The following SLC25A18 variants were observed in gnomAD, a reference collection of about 807,000 sequenced individuals.
SLC25A18 encodes the protein solute carrier family 25 member 18, also known as mitochondrial glutamate carrier 2.
In SLC25A18, 24 loss-of-function variants were observed where a neutral mutation model predicts 31.1. The ratio of observed to expected loss-of-function variants is 0.77; its 90% confidence interval spans 0.56 to 1.08. SLC25A18 has a LOEUF of 1.08. SLC25A18 is among the 50% of genes least tolerant of loss of function. The pLI, the probability that SLC25A18 is intolerant of heterozygous loss-of-function variation, is 0.00. For synonymous variants in SLC25A18, 173 were observed against 161.9 expected (o/e 1.07, Z -0.52); for missense variants, 371 against 418.5 (o/e 0.89, Z 0.99).
At position 17,582,740 on chromosome 22, in the gene SLC25A18, A is replaced by G. The variant is rs996083001; in HGVS notation, c.290+87A>G. 4.2e-6 allele frequency: 5 copies of G among 1,177,898 alleles called. No homozygotes were observed. The African/African-American group carries it at 7.6e-5, about 18-fold the overall frequency. 73.0% of individuals were successfully genotyped at this position (1,177,898 alleles called of 1,614,324 possible). Reference sequence around the variant, plus strand: ...AAGAAGATTTCAAATGTGCCTCAGTATACCTGCCTGCATGCATATAAATAT... The same window carrying G: ...AAGAAGATTTCAAATGTGCCTCAGTGTACCTGCCTGCATGCATATAAATAT... On this transcript the variant is annotated intron_variant, in intron 6 of 10. Transcript: ENST00000327451.
intron 9 of SLC25A18, chr22:17,588,310 G>A: frequency 2.0e-6 from 1 of 490,500 alleles, no homozygotes; most frequent in South Asian, 2.5e-5. Context: ...CATCCCCTCA[G>A]AAGAGTTGTG....
In SLC25A18 at chr22:17,579,923, T is replaced by A; in HGVS notation, c.-22T>A. 6.2e-7 allele frequency: 1 copy of A among 1,607,958 alleles called. No individual in the cohort carries two copies. The highest frequency in any genetic ancestry group is 8.5e-7 in the Non-Finnish European group (1 of 1,177,816). On this transcript the variant is annotated 5_prime_UTR_variant, in exon 3 of 11. Coordinates refer to ENST00000327451, the MANE Select transcript of SLC25A18 (RefSeq NM_031481.3). The stretch of plus-strand genomic sequence containing the variant: ...CCAAGGAGCCAGCAGCCTTGTGTCC[T>A]GGGATCCCCAGCCCCTGCAGAATGA...
In SLC25A18 at chr22:17,585,632, T is replaced by TTTATTATTA. The variant is rs1321633226; in HGVS notation, c.410-1492_410-1484dup. ...AACATTTTATTTTATTATTATTTAT[T>TTTATTATTA]TTATTATTATTATTATTATTTTTTT... On this transcript the variant is annotated intron_variant, in intron 7 of 10. Transcript: ENST00000327451. Among the ~76,000 whole-genome samples, 725 of 140,872 alleles carry TTTATTATTA rather than the reference T, an allele frequency of 5.1e-3. 11 individuals carry two copies. The highest frequency in any genetic ancestry group is 0.018 in the African/African-American group (675 of 36,524). 92.4% of individuals were successfully genotyped at this position (140,872 alleles called of 152,430 possible).
Position 17,581,411 on chromosome 22 carries a change from G to GAGGTGGGCTTCTC in SLC25A18, c.199+3_199+15dup. ...GCGGAGGGCTTCTTCGGCATGTACC[G>GAGGTGGGCTTCTC]AGGTGGGCTTCTCAGGTCCCCTGGG... On this transcript the variant is annotated frameshift_variant and splice_region_variant, in exon 5 of 11. Transcript: ENST00000327451. LOFTEE classifies it high-confidence loss of function. The GAGGTGGGCTTCTC allele has an allele frequency of 6.2e-7, 1 of 1,614,044 alleles. No individual in the cohort carries two copies. Among genetic ancestry groups the GAGGTGGGCTTCTC allele is most frequent in the South Asian group, 1.1e-5 (1 of 91,080 alleles).
At chr22:17,587,111 C>T (rs1384096419) in intron 7 of SLC25A18, 25 bp from the exon 8 acceptor site, 1 of 1,610,602 alleles carries the variant, frequency 6.2e-7, no homozygotes, top group African/African-American at 1.3e-5. Context: ...GGACCAGGTA[C>T]TGATGTCTGT....
In SLC25A18 at chr22:17,575,702, G is replaced by C. The variant is rs552103583; in HGVS notation, c.-200-4043G>C. 3.2e-4 allele frequency among the ~76,000 whole-genome samples: 48 copies of C among 152,342 alleles called. No individual in the cohort carries two copies. The South Asian group carries it at 4.6e-3, about 14-fold the overall frequency. ...CTAACCCGGAATAGCAAGGGGGAAAGGGCAAGTCCTAGAATGGGGTATGCT... is the reference window on the plus strand; with the variant it reads ...CTAACCCGGAATAGCAAGGGGGAAACGGCAAGTCCTAGAATGGGGTATGCT... On this transcript the variant is annotated intron_variant, in intron 2 of 10. Coordinates refer to ENST00000327451, the MANE Select transcript of SLC25A18 (RefSeq NM_031481.3).
chr22:17,564,869 A>AAAAAAAAAAAG (rs2056893513), intron 1 of SLC25A18, among the ~76,000 whole-genome samples: 1 of 150,912 alleles, frequency 6.6e-6, no homozygotes, highest in African/African-American at 2.4e-5. Flanking sequence ...AAAAAAAAAA[A>AAAAAAAAAAAG]TCAGGCCCAG....
In SLC25A18 at chr22:17,580,745, G is replaced by A. The variant is rs1045299217; in HGVS notation, c.21-292G>A. ...AGAGGACGGGCCGGGGAAGCTTGGG[G>A]CAGAGCGGTGCCCTGGTGGCGGCCC... On this transcript the variant is annotated intron_variant, in intron 3 of 10. Transcript: ENST00000327451. 1.0e-5 allele frequency: 12 copies of A among 1,171,716 alleles called. No homozygotes were observed. In the African/African-American group the frequency reaches 1.8e-4, roughly 17 times the overall value. The allele number at this position is 1,171,716 out of a possible 1,614,324, so 72.6% of individuals were successfully genotyped here. A position where few individuals can be genotyped will look rare whatever the true frequency, so the allele number is the denominator to read the frequency against.
chr22:17,581,000 C>T (rs370701218), intron 3 of SLC25A18, 37 bp from the exon 4 acceptor site: 53 of 1,519,444 alleles, frequency 3.5e-5, no homozygotes, highest in Non-Finnish European at 4.4e-5. Flanking sequence ...GCCCCTCCCT[C>T]TGCCTCTCTC....
intron 7 of SLC25A18, among the ~76,000 whole-genome samples, chr22:17,586,489 C>T (rs945940257): frequency 6.8e-6 from 1 of 147,482 alleles, no homozygotes; most frequent in Non-Finnish European, 1.5e-5. Context: ...ACTAAAAATA[C>T]AAAAATCAGC....
intron 7 of SLC25A18, among the ~76,000 whole-genome samples, chr22:17,584,997 C>T (rs914121558): frequency 1.3e-5 from 2 of 150,704 alleles, no homozygotes; most frequent in Middle Eastern, 3.2e-3. Flanking sequence ...GTTGGTTCAG[C>T]GTGGTACACT....
intron 2 of SLC25A18, among the ~76,000 whole-genome samples, chr22:17,571,884 G>A (rs2057096398): frequency 6.6e-6 from 1 of 152,098 alleles, no homozygotes; most frequent in Non-Finnish European, 1.5e-5. Flanking sequence ...CGGGCATGGT[G>A]GCTCGTGCCT....
At chr22:17,572,637 A>ATTTTT (rs1274237439) in intron 2 of SLC25A18, among the ~76,000 whole-genome samples, 6 of 108,790 alleles carry the variant, frequency 5.5e-5, no homozygotes, top group Admixed American at 1.1e-4. Context: ...CTACAAATAA[A>ATTTTT]TTTTTTTTTT....
chr22:17,579,949 C>T lies in SLC25A18; in HGVS notation c.5C>T (p.Thr2Ile). 2 of 1,611,172 alleles carry T rather than the reference C, an allele frequency of 1.2e-6. No individual in the cohort carries two copies. The highest frequency in any genetic ancestry group is 1.7e-6 in the Non-Finnish European group (2 of 1,179,132). Residue 2 changes from threonine (T) to isoleucine (I), a missense_variant, in exon 3 of 11, where the codon ACC becomes ATC. Transcript: ENST00000327451. The part of the protein sequence containing the change: M[T>I]HQDLSITAKL... Reference sequence around the variant, plus strand: ...GGGATCCCCAGCCCCTGCAGAATGACCCACCAGGATCTGAGGTGAGCTCGG... The same window carrying T: ...GGGATCCCCAGCCCCTGCAGAATGATCCACCAGGATCTGAGGTGAGCTCGG...
intron 3 of SLC25A18, 30 bp downstream of exon 3, chr22:17,579,994 T>TG: frequency 6.3e-7 from 1 of 1,597,444 alleles, no homozygotes; most frequent in South Asian, 1.1e-5. Context: ...CCTGAGGCCC[T>TG]GGGCCCTGGG....
chr22:17,587,893 G>T, intron 8 of SLC25A18, 32 bp from the exon 9 acceptor site: 1 of 1,613,572 alleles, frequency 6.2e-7, no homozygotes, highest in Non-Finnish European at 8.5e-7. Context: ...AGGGCAGCTC[G>T]GAGCTCAGTG....
rs1435046574 is a variant in SLC25A18 at position 17,583,465 on chromosome 22, A to ATG, written c.343_344dup (p.Gln116AlafsTer5). On this transcript the variant is annotated frameshift_variant, in exon 7 of 11. Transcript: ENST00000327451. LOFTEE classifies it high-confidence loss of function. The stretch of plus-strand genomic sequence containing the variant: ...GATGCTTGCCGGGTGTGGGGCTGGG[A>ATG]TGTGCCAGGTCGTGGTGACCTGTCC... The ATG allele has an allele frequency of 1.9e-6, 3 of 1,613,884 alleles. No individual in the cohort carries two copies. Among genetic ancestry groups the ATG allele is most frequent in the East Asian group, 4.5e-5 (2 of 44,862 alleles).
chr22:17,566,149 C>G (rs1049190421), intron 1 of SLC25A18, among the ~76,000 whole-genome samples: 7 of 152,164 alleles, frequency 4.6e-5, no homozygotes, highest in African/African-American at 9.7e-5. Context: ...GGCACTGCAC[C>G]GCTGTTTCTG....
At chr22:17,583,561 G>C in intron 7 of SLC25A18, 27 bp downstream of exon 7, 2 of 1,609,898 alleles carry the variant, frequency 1.2e-6, no homozygotes, top group East Asian at 4.5e-5. Context: ...CCTCCTATGG[G>C]AACAGTAAAG....
Sources: allele counts gnomAD v4.1 joint callset (sites outside exome capture counted in the v4.1 genomes callset), GRCh38; gene constraint gnomAD v4.1.1; transcripts MANE v1.5; gene names NCBI Gene and HGNC (gene_info 2026-07-23, HGNC 2026-07-21).